SUDS3: variants seen among roughly 807,000 people sequenced by gnomAD.
SUDS3 encodes sin3 histone deacetylase corepressor complex component SDS3.
Under a neutral mutation model 53.5 loss-of-function variants are expected in SUDS3, and 23 were observed. The ratio of observed to expected loss-of-function variants is 0.43; its 90% confidence interval spans 0.31 to 0.61. The LOEUF is 0.61. Among genes scored for constraint, SUDS3 ranks in the 20% least tolerant of loss-of-function variants. The pLI is 0.10. For missense variants in SUDS3, 291 were observed against 405.9 expected (o/e 0.72, Z 2.43); for synonymous variants, 150 against 148.5 (o/e 1.01, Z -0.08).
rs944813795 is a variant in SUDS3, at chr12:118,376,617, C to G, written c.-75C>G. 4.9e-5 allele frequency: 67 copies of G among 1,373,002 alleles called. No homozygotes were observed. Among genetic ancestry groups the G allele is most frequent in the Non-Finnish European group, 6.3e-5 (67 of 1,069,590 alleles). The allele number at this position is 1,373,002 out of a possible 1,614,324, so 85.1% of individuals were successfully genotyped here. On this transcript the variant is annotated 5_prime_UTR_variant, in exon 1 of 12. Coordinates refer to ENST00000543473, the MANE Select transcript of SUDS3 (RefSeq NM_022491.3). ...GAGTTGGGGGCTGCCGCGGACACTG[C>G]TAGGCAGACGGCGAGTACCGAGCGC...
chr12:118,398,408 G>A (rs1160623792), intron 6 of SUDS3, among the ~76,000 whole-genome samples: 1 of 152,110 alleles, frequency 6.6e-6, no homozygotes, highest in Non-Finnish European at 1.5e-5. Context: ...ACTGGAGAAG[G>A]GTGGCACCTC....
chr12:118,400,454 C>T (rs2046253892), intron 6 of SUDS3, among the ~76,000 whole-genome samples: 2 of 152,132 alleles, frequency 1.3e-5, no homozygotes, highest in South Asian at 4.1e-4. Flanking sequence ...GGGGTGTGCA[C>T]TTAGGGCAGC....
chr12:118,404,293 T>C (rs1359064286), intron 10 of SUDS3: 1 of 152,228 alleles, frequency 6.6e-6, no homozygotes. Context: ...GTATTTTTAG[T>C]AGACACGAGG....
intron 6 of SUDS3, among the ~76,000 whole-genome samples, chr12:118,395,572 G>A (rs2046207629): frequency 6.6e-6 from 1 of 151,964 alleles, no homozygotes; most frequent in Admixed American, 6.6e-5. Flanking sequence ...AGGAAGGCTC[G>A]ACTGGCTCAC....
intron 11 of SUDS3, among the ~76,000 whole-genome samples, chr12:118,413,401 G>A (rs1217156748): frequency 6.6e-6 from 1 of 152,240 alleles, no homozygotes; most frequent in African/African-American, 2.4e-5. Flanking sequence ...GGGCTTTGAT[G>A]TCAGACACCA....
intron 3 of SUDS3, 50 bp downstream of exon 3, chr12:118,384,117 C>CCCTTG: frequency 1.3e-6 from 2 of 1,562,774 alleles, no homozygotes; most frequent in Non-Finnish European, 1.8e-6. Context: ...CTTAATATTA[C>CCCTTG]AAACCCTTGA....
At chr12:118,398,295 TACAA>T (rs1219141826) in intron 6 of SUDS3, among the ~76,000 whole-genome samples, 1 of 152,178 alleles carries the variant, frequency 6.6e-6, no homozygotes, top group East Asian at 1.9e-4. Context: ...ATACAGCACT[TACAA>T]ACCTGTGTTA....
At chr12:118,384,679 A>G (rs1439877815) in intron 3 of SUDS3, among the ~76,000 whole-genome samples, 2 of 152,168 alleles carry the variant, frequency 1.3e-5, no homozygotes, top group Non-Finnish European at 2.9e-5. Context: ...GAAAAATGCA[A>G]AAAATTAGCT....
At chr12:118,405,607 C>T (rs574995011) in intron 10 of SUDS3, among the ~76,000 whole-genome samples, 2 of 152,276 alleles carry the variant, frequency 1.3e-5, no homozygotes, top group African/African-American at 2.4e-5. Context: ...GTTAAATATA[C>T]TTTGAGAATG....
intron 11 of SUDS3, 36 bp downstream of exon 11, chr12:118,411,193 A>G (rs927752689): frequency 9.0e-6 from 14 of 1,550,314 alleles, no homozygotes; most frequent in Non-Finnish European, 1.2e-5. Context: ...AGGGAAGCAA[A>G]ATGTGTACTG....
chr12:118,393,740 G>A (rs1031213465), intron 6 of SUDS3, among the ~76,000 whole-genome samples: 5 of 151,304 alleles, frequency 3.3e-5, no homozygotes, highest in South Asian at 2.1e-4. Flanking sequence ...GCGCAGTCTC[G>A]GCTCACTGCA....
chr12:118,417,455 CTAAA>C lies in SUDS3; in HGVS notation c.*3028_*3031del, dbSNP rs1470838319. The C allele has an allele frequency of 2.0e-5, 3 of 151,718 alleles. No individual in the cohort carries two copies. Among genetic ancestry groups the C allele is most frequent in the Non-Finnish European group, 4.4e-5 (3 of 67,966 alleles). The allele number at this position is 151,718 out of a possible 1,614,324, so 9.4% of individuals were successfully genotyped here. ...ACATTTCTTTAGCTTTGAATTTTTA[CTAAA>C]TAAATTTCCTCCTGATTAATTTTTT... is the stretch of plus-strand genomic sequence containing the variant. On this transcript the variant is annotated 3_prime_UTR_variant, in exon 12 of 12. Coordinates refer to ENST00000543473, the MANE Select transcript of SUDS3 (RefSeq NM_022491.3).
At chr12:118,386,228 G>T in intron 4 of SUDS3, 43 bp downstream of exon 4, 1 of 1,496,050 alleles carries the variant, frequency 6.7e-7, no homozygotes, top group South Asian at 1.2e-5. Context: ...TTCAATGTTT[G>T]ACCATTTGCC....
intron 10 of SUDS3, among the ~76,000 whole-genome samples, chr12:118,403,791 C>G (rs576508994): frequency 1.3e-5 from 2 of 152,248 alleles, no homozygotes; most frequent in East Asian, 3.9e-4. Flanking sequence ...TTGTGTGGTA[C>G]CCCTGCCAAC....
At chr12:118,377,084 AC>A (rs766042213) in intron 1 of SUDS3, among the ~76,000 whole-genome samples, 2 of 151,244 alleles carry the variant, frequency 1.3e-5, no homozygotes, top group African/African-American at 2.4e-5. Flanking sequence ...TCCCTTTAAG[AC>A]CCCGTCCTCC....
intron 10 of SUDS3, 87 bp downstream of exon 10, chr12:118,403,604 A>G (rs1479976004): frequency 9.3e-7 from 1 of 1,075,178 alleles, no homozygotes; most frequent in African/African-American, 1.6e-5. Flanking sequence ...ATTTCAGATC[A>G]CGGCTGCTGC....
intron 6 of SUDS3, 117 bp downstream of exon 6, chr12:118,391,399 G>A: frequency 8.4e-7 from 1 of 1,197,526 alleles, no homozygotes; most frequent in Non-Finnish European, 1.2e-6. Context: ...AGTGGGTTTT[G>A]ACCTCATAGA....
At chr12:118,386,509 A>T (rs1025512590) in intron 4 of SUDS3, among the ~76,000 whole-genome samples, 2 of 151,074 alleles carry the variant, frequency 1.3e-5, no homozygotes, top group African/African-American at 4.9e-5. Context: ...AGAAGTGCGG[A>T]TGAGGAAAAG....
At chr12:118,392,738 C>G (rs902515134) in intron 6 of SUDS3, among the ~76,000 whole-genome samples, 2 of 152,174 alleles carry the variant, frequency 1.3e-5, no homozygotes, top group Admixed American at 1.3e-4. Flanking sequence ...GCTAGAGCCA[C>G]CAGATGTTTG....
Sources: allele counts gnomAD v4.1 joint callset (sites outside exome capture counted in the v4.1 genomes callset), GRCh38; gene constraint gnomAD v4.1.1; transcripts MANE v1.5; gene names NCBI Gene and HGNC (gene_info 2026-07-23, HGNC 2026-07-21).